The following DPH5 variants were observed in gnomAD, a reference collection of about 807,000 sequenced individuals.
DPH5 encodes the protein diphthamide biosynthesis 5, also known as diphthine methyl ester synthase.
A neutral mutation model predicts 31.6 loss-of-function variants in DPH5; 31 were observed. The ratio of observed to expected loss-of-function variants is 0.98; its 90% confidence interval spans 0.74 to 1.32. DPH5 has a LOEUF of 1.32. DPH5 is among the 40% of genes most tolerant of loss of function. The probability of loss-of-function intolerance (pLI) is 0.00; values close to 1 mark genes in which losing one functional copy is unlikely to be tolerated. For synonymous variants in DPH5, 120 were observed against 115.0 expected (o/e 1.04, Z -0.28); for missense variants, 309 against 335.7 (o/e 0.92, Z 0.62).
intron 3 of DPH5, among the ~76,000 whole-genome samples, chr1:101,016,121 G>A (rs1439379494): frequency 6.6e-6 from 1 of 152,132 alleles, no homozygotes; most frequent in African/African-American, 2.4e-5. Context: ...TTGGGAGGCT[G>A]AGGCAGACAG....
Position 101,011,895 on chromosome 1 carries a change from C to CT in DPH5, c.369+1814dup, listed in dbSNP as rs11352737. Among the ~76,000 whole-genome samples, 1,029 of 108,162 alleles carry CT rather than the reference C, an allele frequency of 9.5e-3. 11 individuals carry two copies. Among genetic ancestry groups the CT allele is most frequent in the African/African-American group, 0.015 (421 of 28,034 alleles). The allele number at this position is 108,162 out of a possible 152,430, so 71.0% of individuals were successfully genotyped here. ...TTCTTTCTTCTAGCAATTATCAATT[C>CT]TTTTTTTTTTTTTTTTTTTTTGAGA... is the stretch of plus-strand genomic sequence containing the variant. On this transcript the variant is annotated intron_variant, in intron 4 of 7. Coordinates refer to ENST00000370109, the MANE Select transcript of DPH5 (RefSeq NM_015958.3).
intron 3 of DPH5, among the ~76,000 whole-genome samples, chr1:101,015,689 A>G (rs1453726526): frequency 3.3e-5 from 5 of 152,228 alleles, no homozygotes; most frequent in Non-Finnish European, 7.3e-5. Context: ...TCCTCTTCCA[A>G]TAGAAGGCTG....
intron 4 of DPH5, among the ~76,000 whole-genome samples, chr1:101,012,878 T>A (rs1659801871): frequency 6.6e-6 from 1 of 152,208 alleles, no homozygotes; most frequent in South Asian, 2.1e-4. Flanking sequence ...CCTCTAAAGC[T>A]ACAGACATAG....
chr1:101,024,614 T>G (rs1660694975), intron 2 of DPH5, among the ~76,000 whole-genome samples: 2 of 152,234 alleles, frequency 1.3e-5, no homozygotes, highest in Non-Finnish European at 2.9e-5. Context: ...GTATTAATCC[T>G]TTGATTTACA....
chr1:101,020,951 TTTAAA>T (rs1398744930), intron 3 of DPH5, among the ~76,000 whole-genome samples: 1 of 152,212 alleles, frequency 6.6e-6, no homozygotes, highest in Admixed American at 6.5e-5. Context: ...TACCACTGTA[TTTAAA>T]TTAAATTCCT....
intron 3 of DPH5, among the ~76,000 whole-genome samples, chr1:101,019,657 A>C (rs1394638965): frequency 6.6e-6 from 1 of 152,152 alleles, no homozygotes; most frequent in African/African-American, 2.4e-5. Flanking sequence ...CTCATATTCC[A>C]ATTAAAATTA....
chr1:100,992,559 AT>A lies in DPH5; in HGVS notation c.634+77del, dbSNP rs1657856181. On this transcript the variant is annotated intron_variant, in intron 7 of 7. Transcript: ENST00000370109. The stretch of plus-strand genomic sequence containing the variant: ...TACTGACTCTTGCTTCCATAGTGGT[AT>A]GAGATATTAAGTCATATACACATCT... 3.1e-6 allele frequency: 3 copies of A among 981,010 alleles called. No homozygotes were observed. The Admixed American group carries it at 5.8e-5, about 19-fold the overall frequency. 60.8% of individuals were successfully genotyped at this position (981,010 alleles called of 1,614,324 possible). A position where few individuals can be genotyped will look rare whatever the true frequency, so the allele number is the denominator to read the frequency against.
chr1:101,015,797 T>C (rs969657217), intron 3 of DPH5, among the ~76,000 whole-genome samples: 4 of 152,234 alleles, frequency 2.6e-5, no homozygotes, highest in Non-Finnish European at 4.4e-5. Flanking sequence ...ATTTATGTTA[T>C]AGAGACAACT....
intron 6 of DPH5, among the ~76,000 whole-genome samples, chr1:100,992,972 A>G (rs979804888): frequency 1.3e-5 from 2 of 152,210 alleles, no homozygotes; most frequent in African/African-American, 4.8e-5. Flanking sequence ...TGATGGCAGG[A>G]ACACATAAAG....
At chr1:101,018,936 C>T (rs1425469077) in intron 3 of DPH5, among the ~76,000 whole-genome samples, 1 of 152,098 alleles carries the variant, frequency 6.6e-6, no homozygotes, top group African/African-American at 2.4e-5. Context: ...AAGCACTGTT[C>T]ACATTCATTA....
rs570142900 is a variant in DPH5, at chr1:101,001,380, A to G, written c.490+87T>C. ...CTGTGTCTTTTCTTACCTCTAGCTA[A>G]TTATCCACAGACCTTAACACAAAAT... On this transcript the variant is annotated intron_variant, in intron 5 of 7. Transcript: ENST00000370109. 312 of 1,376,060 alleles carry G rather than the reference A, an allele frequency of 2.3e-4. 1 individual carries two copies. In the African/African-American group the frequency reaches 4.2e-3, roughly 19 times the overall value. The allele number at this position is 1,376,060 out of a possible 1,614,324, so 85.2% of individuals were successfully genotyped here.
intron 4 of DPH5, among the ~76,000 whole-genome samples, chr1:101,003,477 C>A (rs969808291): frequency 6.6e-6 from 1 of 152,194 alleles, no homozygotes; most frequent in African/African-American, 2.4e-5. Context: ...AAAGGCTCTG[C>A]AGTCATGGCA....
Position 101,007,587 on chromosome 1 carries a change from C to T in DPH5, c.370-6000G>A, listed in dbSNP as rs527319283. On this transcript the variant is annotated intron_variant, in intron 4 of 7. Transcript: ENST00000370109. ...AAAATTTGCTGGGTGTGGTGGTGGG[C>T]GCCTGTAGTCCCAGCTACTCGGGAG... 1.1e-3 allele frequency among the ~76,000 whole-genome samples: 168 copies of T among 151,796 alleles called. 2 individuals carry two copies. Among genetic ancestry groups the T allele is most frequent in the African/African-American group, 4.0e-3 (164 of 41,388 alleles).
intron 4 of DPH5, among the ~76,000 whole-genome samples, chr1:101,012,058 G>A (rs907341463): frequency 1.3e-5 from 2 of 151,780 alleles, no homozygotes; most frequent in Non-Finnish European, 2.9e-5. Flanking sequence ...CTGCCACCAC[G>A]CCCAGCTAAT....
chr1:101,013,664 A>G, intron 4 of DPH5, 46 bp downstream of exon 4: 2 of 1,270,864 alleles, frequency 1.6e-6, no homozygotes, highest in Non-Finnish European at 2.2e-6. Flanking sequence ...GGAAAAATAA[A>G]ACATTTTTAT....
At chr1:101,020,788 T>C (rs1374826666) in intron 3 of DPH5, among the ~76,000 whole-genome samples, 2 of 152,160 alleles carry the variant, frequency 1.3e-5, no homozygotes, top group Admixed American at 6.5e-5. Context: ...CACATTCATC[T>C]TGGCATTCTT....
chr1:101,021,268 G>A (rs1485173916), intron 3 of DPH5, among the ~76,000 whole-genome samples: 2 of 152,184 alleles, frequency 1.3e-5, no homozygotes, highest in South Asian at 2.1e-4. Context: ...AGAAGTCGAA[G>A]ATGCCTGAAA....
intron 3 of DPH5, among the ~76,000 whole-genome samples, chr1:101,020,042 A>G (rs1290296533): frequency 2.0e-5 from 3 of 152,252 alleles, no homozygotes; most frequent in African/African-American, 7.2e-5. Context: ...GTTAAAGAGT[A>G]GCTAGAGAAA....
At position 100,992,776 on chromosome 1, in the gene DPH5, C is replaced by T. The variant is rs761735758; in HGVS notation, c.531-36G>A. ...AAAACTAGATGCCACTGTTCTTAGC[C>T]ATGAAACTACATAATATGTTATTAA... is the stretch of plus-strand genomic sequence containing the variant. On this transcript the variant is annotated intron_variant, in intron 6 of 7. Transcript: ENST00000370109. 39 of 1,376,140 alleles carry T rather than the reference C, an allele frequency of 2.8e-5. 1 individual carries two copies. In the South Asian group the frequency reaches 3.7e-4, roughly 13 times the overall value. The allele number at this position is 1,376,140 out of a possible 1,614,324, so 85.2% of individuals were successfully genotyped here.
Sources: gnomAD v4.1 joint callset for allele counts (sites outside exome capture counted in the v4.1 genomes callset) on GRCh38, gnomAD v4.1.1 for gene constraint, MANE v1.5 for transcripts, NCBI Gene and HGNC (gene_info 2026-07-23, HGNC 2026-07-21) for gene names.